The following ZP3 variants were observed in gnomAD, a reference collection of about 807,000 sequenced individuals.
The protein encoded by ZP3 is zona pellucida sperm-binding protein 3.
Under a neutral mutation model 35.6 loss-of-function variants are expected in ZP3, and 21 were observed. The ratio of observed to expected loss-of-function variants is 0.59; its 90% confidence interval spans 0.42 to 0.85. The LOEUF (loss-of-function observed/expected upper bound fraction) is 0.85. Ranked by LOEUF, ZP3 falls within the 40% of genes least tolerant of loss-of-function variation. The probability of loss-of-function intolerance (pLI) is 0.00; values close to 1 mark genes in which losing one functional copy is unlikely to be tolerated. For missense variants in ZP3, 437 were observed against 536.5 expected (o/e 0.81, Z 1.83); for synonymous variants, 207 against 214.5 (o/e 0.96, Z 0.31).
At position 76,416,941 on chromosome 7, in the gene ZP3, C is replaced by T. The variant is rs1353673807; in HGVS notation, c.-66-8111C>T. Reference sequence around the variant, plus strand: ...ATATATATACACATACATATGTATACATACATATATATATATATATATATA... The same window carrying T: ...ATATATATACACATACATATGTATATATACATATATATATATATATATATA... On this transcript the variant is annotated intron_variant, in intron 1 of 8. Coordinates refer to the ZP3 transcript ENST00000336517. Among the ~76,000 whole-genome samples the T allele has an allele frequency of 2.9e-3, 224 of 77,198 alleles. 3 individuals are homozygous for T. Among genetic ancestry groups the T allele is most frequent in the African/African-American group, 0.012 (198 of 16,166 alleles). 50.6% of individuals were successfully genotyped at this position (77,198 alleles called of 152,430 possible).
At chr7:76,405,347 T>TTCTTTC (rs1804986689) in intron 1 of ZP3, among the ~76,000 whole-genome samples, 3 of 51,170 alleles carry the variant, frequency 5.9e-5, no homozygotes, top group African/African-American at 2.0e-4. Flanking sequence ...TTCTTTTTTT[T>TTCTTTC]TTTTTTTTTT....
At chr7:76,419,717 C>G (rs955966621) in intron 1 of ZP3, among the ~76,000 whole-genome samples, 1 of 145,532 alleles carries the variant, frequency 6.9e-6, no homozygotes, top group Non-Finnish European at 1.5e-5. Flanking sequence ...TCCTCCCTCC[C>G]TCTCCCTCTA....
chr7:76,412,986 G>T (rs1242849783), intron 1 of ZP3, among the ~76,000 whole-genome samples: 1 of 89,584 alleles, frequency 1.1e-5, no homozygotes, highest in Non-Finnish European at 2.5e-5. Context: ...TTTTTGAGAC[G>T]GAGTCTTTCT....
chr7:76,441,559 T>G (rs1016655219), intron 7 of ZP3, among the ~76,000 whole-genome samples: 4 of 151,726 alleles, frequency 2.6e-5, no homozygotes, highest in African/African-American at 9.7e-5. Context: ...CAGTTAACTT[T>G]TTTATTTTCA....
At chr7:76,415,331 A>C (rs140461163) in intron 1 of ZP3, among the ~76,000 whole-genome samples, 5,405 of 132,776 alleles carry the variant, frequency 0.041, 149 homozygotes, top group Non-Finnish European at 0.057. Context: ...GCGCCACTGC[A>C]CTTCAGCCTG....
chr7:76,432,849 G>A, intron 2 of ZP3, 78 bp from the exon 3 acceptor site: 2 of 1,247,970 alleles, frequency 1.6e-6, no homozygotes, highest in Non-Finnish European at 1.2e-6. Context: ...TGGGGTAGCA[G>A]TGAGATACTC....
rs370040758 is a variant in ZP3 at position 76,398,731 on chromosome 7, G to A, written c.-67+934G>A. On this transcript the variant is annotated intron_variant, in intron 1 of 8. Transcript: ENST00000336517. ...TTATGCTTACGTACTTTTTCCATTCGGCAGTGTCGTAGGAGGTGCTCTACT... is the reference window on the plus strand; with the variant it reads ...TTATGCTTACGTACTTTTTCCATTCAGCAGTGTCGTAGGAGGTGCTCTACT... The A allele has an allele frequency of 1.5e-5, 24 of 1,613,018 alleles. No homozygotes were observed. Among genetic ancestry groups the A allele is most frequent in the Admixed American group, 5.0e-5 (3 of 59,930 alleles).
chr7:76,423,083 G>T, upstream of ZP3, among the ~76,000 whole-genome samples: 1 of 133,462 alleles, frequency 7.5e-6, no homozygotes, highest in East Asian at 2.5e-4. Context: ...AAGAAAGAAA[G>T]AAAAGAAATT....
intron 1 of ZP3, among the ~76,000 whole-genome samples, chr7:76,428,322 A>G (rs1448001756): frequency 5.3e-5 from 8 of 151,894 alleles, no homozygotes; most frequent in Non-Finnish European, 8.8e-5. Context: ...CTGCATCTCA[A>G]AAAAACAAAA....
At position 76,427,515 on chromosome 7, in the gene ZP3, C is replaced by CAAAAA. The variant is rs71085411; in HGVS notation, c.313-1984_313-1980dup. Among the ~76,000 whole-genome samples the CAAAAA allele has an allele frequency of 3.6e-4, 38 of 104,664 alleles. 1 individual carries two copies. Among genetic ancestry groups the CAAAAA allele is most frequent in the Non-Finnish European group, 4.2e-4 (22 of 51,900 alleles). 68.7% of individuals were successfully genotyped at this position (104,664 alleles called of 152,430 possible). A position where few individuals can be genotyped will look rare whatever the true frequency, so the allele number is the denominator to read the frequency against. On this transcript the variant is annotated intron_variant, in intron 1 of 7. Transcript: ENST00000394857. ...TGGGCAACAGAGTGAGACTCCGTCT[C>CAAAAA]AAAAAAAAAAAAAAAAAAAATACAG...
intron 1 of ZP3, among the ~76,000 whole-genome samples, chr7:76,419,709 C>CTTCT: frequency 6.8e-6 from 1 of 147,376 alleles, no homozygotes; most frequent in South Asian, 2.2e-4. Flanking sequence ...CCCTTCCTTC[C>CTTCT]TCCCTCCCTC....
intron 2 of ZP3, among the ~76,000 whole-genome samples, chr7:76,431,910 AAAAAG>A (rs1337020488): frequency 6.6e-6 from 1 of 152,006 alleles, no homozygotes; most frequent in Non-Finnish European, 1.5e-5. Context: ...AAAAAAAAAA[AAAAAG>A]ATGGCCTTAG....
rs71521129 is a variant in ZP3, at chr7:76,437,470, CTT to C, written c.832-2764_832-2763del. On this transcript the variant is annotated intron_variant, in intron 5 of 7. Coordinates refer to ENST00000394857, the MANE Select transcript of ZP3 (RefSeq NM_001110354.2). ...CAGGCATGAGCTATCACACTCCCCTCTTTTTTTTTTTTTTTTTGTTTTTTTTT... is the reference window on the plus strand; with the variant it reads ...CAGGCATGAGCTATCACACTCCCCTCTTTTTTTTTTTTTTTGTTTTTTTTT... Among the ~76,000 whole-genome samples, 1,310 of 134,774 alleles carry C rather than the reference CTT, an allele frequency of 9.7e-3. 1 individual carries two copies. The highest frequency in any genetic ancestry group is 0.03 in the African/African-American group (1,089 of 36,702). 88.4% of individuals were successfully genotyped at this position (134,774 alleles called of 152,430 possible).
chr7:76,397,524 A>G, exon 1 of ZP3: 1 of 1,554,628 alleles, frequency 6.4e-7, no homozygotes, highest in South Asian at 1.2e-5. Flanking sequence ...GCACCTGCGC[A>G]GAGCGCGCCC....
chr7:76,433,619 C>T lies in ZP3; in HGVS notation c.685C>T (p.Pro229Ser), dbSNP rs768839548. 1 of 1,611,870 alleles carries T rather than the reference C, an allele frequency of 6.2e-7. No homozygotes were observed. The highest frequency in any genetic ancestry group is 8.5e-7 in the Non-Finnish European group (1 of 1,178,570). The change falls in exon 4 of 8, where the codon CCT (proline) becomes TCT (serine). Residue 229 changes from proline to serine, a missense_variant. Physicochemically the swap from Pro to Ser is moderately conservative, Grantham distance 74 (BLOSUM62 -1). This residue lies in a region of ZP3 where 352 missense variants were observed against 308.4 expected (regional missense o/e 1.14). Coordinates refer to ENST00000394857, the MANE Select transcript of ZP3 (RefSeq NM_001110354.2). ...ATPTPDQNAS[P>S]YHTIVDFHGC... ...ACCGACACCAGACCAGAATGCCTCC[C>T]CTTATCACACCATCGTGGACTTCCA...
intron 1 of ZP3, chr7:76,409,736 G>C (rs1230414836): frequency 6.5e-6 from 1 of 152,966 alleles, no homozygotes; most frequent in Non-Finnish European, 1.5e-5. Context: ...GTTGGGGGAG[G>C]CATGGACTCT....
chr7:76,423,752 C>T (rs898064560), upstream of ZP3, among the ~76,000 whole-genome samples: 4 of 151,906 alleles, frequency 2.6e-5, no homozygotes, highest in South Asian at 6.2e-4. Flanking sequence ...ATCCCAGTTA[C>T]TCGGGAGAGT....
At chr7:76,419,499 C>T (rs1261861398) in intron 1 of ZP3, among the ~76,000 whole-genome samples, 1 of 152,116 alleles carries the variant, frequency 6.6e-6, no homozygotes, top group African/African-American at 2.4e-5. Flanking sequence ...CTCATCTATT[C>T]CACTGTTTCT....
intron 2 of ZP3, among the ~76,000 whole-genome samples, chr7:76,430,441 T>C (rs1421428263): frequency 6.6e-6 from 1 of 151,800 alleles, no homozygotes; most frequent in East Asian, 1.9e-4. Flanking sequence ...TGGGAGTGGG[T>C]ATAAGATGAT....
Sources: gnomAD v4.1 joint callset for allele counts (sites outside exome capture counted in the v4.1 genomes callset) on GRCh38, gnomAD v4.1.1 for gene constraint, gnomAD v4.1.1 regional missense constraint, MANE v1.5 for transcripts, NCBI Gene and HGNC (gene_info 2026-07-23, HGNC 2026-07-21) for gene names.